Variants in SLC3A2 observed in about 807,000 individuals in gnomAD.
The protein encoded by SLC3A2 is solute carrier family 3 member 2.
A neutral mutation model predicts 48.5 loss-of-function variants in SLC3A2; 32 were observed. The ratio of observed to expected loss-of-function variants is 0.66; its 90% CI spans 0.50 to 0.89. The LOEUF (loss-of-function observed/expected upper bound fraction) is 0.89, where lower values mean the gene tolerates loss of function less well. Ranked by LOEUF, SLC3A2 falls within the 40% of genes least tolerant of loss-of-function variation. The pLI is 0.00. For synonymous variants in SLC3A2, 277 were observed against 288.8 expected (o/e 0.96, Z 0.41); for missense variants, 587 against 680.7 (o/e 0.86, Z 1.53).
At chr11:62,874,589 T>G (rs957637675) in intron 1 of SLC3A2, among the ~76,000 whole-genome samples, 1 of 152,138 alleles carries the variant, frequency 6.6e-6, no homozygotes, top group African/African-American at 2.4e-5. Context: ...AGGTCTCTTC[T>G]TTAGCAGCCA....
Position 62,872,476 on chromosome 11 carries a change from C to G in SLC3A2, c.113-8543C>G, listed in dbSNP as rs545286100. On this transcript the variant is annotated intron_variant, in intron 1 of 9. Coordinates refer to the SLC3A2 transcript ENST00000377889. ...GCTGTAGTAAGCCAAGATCACATTA[C>G]TGCACTCCAGCCTGGGCAACAGAGA... 1.1e-4 allele frequency among the ~76,000 whole-genome samples: 17 copies of G among 152,336 alleles called. No homozygotes were observed. In the East Asian group the frequency reaches 1.9e-3, roughly 17 times the overall value.
Position 62,881,019 on chromosome 11 carries a change from G to T in SLC3A2, c.-5G>T. 1 of 1,559,302 alleles carries T rather than the reference G, an allele frequency of 6.4e-7. No homozygotes were observed. The highest frequency in any genetic ancestry group is 8.7e-7 in the Non-Finnish European group (1 of 1,149,546). On this transcript the variant is annotated 5_prime_UTR_variant, in exon 1 of 9. Coordinates refer to ENST00000338663, the MANE Select transcript of SLC3A2 (RefSeq NM_001013251.3). This position sits in a 1 kb window ranked among gnomAD's most constrained non-coding sequence, Gnocchi z 4.0. ...CTGCGTCGTGTCGCCGGTTCTGCAGGCACCATGAGCCAGGACACCGAGGTG... is the reference window on the plus strand; with the variant it reads ...CTGCGTCGTGTCGCCGGTTCTGCAGTCACCATGAGCCAGGACACCGAGGTG...
At chr11:62,868,949 A>C (rs1175685792) in intron 1 of SLC3A2, among the ~76,000 whole-genome samples, 2 of 151,844 alleles carry the variant, frequency 1.3e-5, no homozygotes, top group Non-Finnish European at 2.9e-5. Context: ...CCCAGGCTGG[A>C]GTGCAGTGGT....
Position 62,881,776 on chromosome 11 carries a change from C to T in SLC3A2, c.425-117C>T. On this transcript the variant is annotated intron_variant, in intron 1 of 8. Transcript: ENST00000338663. This position sits in a 1 kb window ranked among gnomAD's most constrained non-coding sequence, Gnocchi z 4.0. ...TGAGTCTCGTGATTCAGCCTTGCCT[C>T]CCTCTCTCCCCCTTTGCCCCCTCCC... 2.5e-6 allele frequency: 3 copies of T among 1,180,944 alleles called. No homozygotes were observed. Among genetic ancestry groups the T allele is most frequent in the Non-Finnish European group, 3.6e-6 (3 of 833,752 alleles). 73.2% of individuals were successfully genotyped at this position (1,180,944 alleles called of 1,614,324 possible).
At chr11:62,865,561 C>CAAAAAAAAAAAA (rs35320203) in intron 1 of SLC3A2, among the ~76,000 whole-genome samples, 1 of 86,910 alleles carries the variant, frequency 1.2e-5, no homozygotes, top group Non-Finnish European at 2.0e-5. Context: ...GTCTCCCCCA[C>CAAAAAAAAAAAA]AAAAAAAAAA....
At chr11:62,867,565 C>G (rs2085466859) in intron 1 of SLC3A2, among the ~76,000 whole-genome samples, 1 of 148,012 alleles carries the variant, frequency 6.8e-6, no homozygotes, top group Non-Finnish European at 1.5e-5. Context: ...ACCTTTTGAT[C>G]TGCCTATCTC....
intron 1 of SLC3A2, among the ~76,000 whole-genome samples, chr11:62,875,188 G>A (rs933312322): frequency 6.6e-6 from 1 of 152,146 alleles, no homozygotes; most frequent in East Asian, 1.9e-4. Flanking sequence ...GGAGGCTGTT[G>A]GACAGAGACA....
chr11:62,862,679 T>C (rs1287812821), intron 1 of SLC3A2, among the ~76,000 whole-genome samples: 4 of 152,216 alleles, frequency 2.6e-5, no homozygotes, highest in Non-Finnish European at 5.9e-5. Flanking sequence ...TATAAGTTTT[T>C]TTCAGTTTGC....
In SLC3A2 at chr11:62,888,736, C is replaced by T. The variant is rs1211238946; in HGVS notation, c.*43C>T. The T allele has an allele frequency of 2.7e-6, 4 of 1,497,386 alleles. No individual in the cohort carries two copies. Among genetic ancestry groups the T allele is most frequent in the Admixed American group, 4.4e-5 (2 of 45,674 alleles). 92.8% of individuals were successfully genotyped at this position (1,497,386 alleles called of 1,614,324 possible). A position where few individuals can be genotyped will look rare whatever the true frequency, so the allele number is the denominator to read the frequency against. ...CCCACTACCCTTCTCCTTTCCTTCC[C>T]AGGCCCTTTGGCTTCTGATTTTTCT... On this transcript the variant is annotated 3_prime_UTR_variant, in exon 9 of 9. Transcript: ENST00000338663.
intron 1 of SLC3A2, among the ~76,000 whole-genome samples, chr11:62,861,910 C>CAAAAA (rs1189861840): frequency 3.4e-5 from 2 of 59,190 alleles, no homozygotes; most frequent in South Asian, 5.7e-4. Context: ...AAACCTCTCT[C>CAAAAA]AAAAAAAAAA....
intron 1 of SLC3A2, among the ~76,000 whole-genome samples, chr11:62,864,072 A>T (rs914398885): frequency 3.9e-5 from 6 of 152,100 alleles, no homozygotes; most frequent in African/African-American, 7.2e-5. Flanking sequence ...ATATATTTCT[A>T]AGTCTGGATG....
intron 1 of SLC3A2, among the ~76,000 whole-genome samples, chr11:62,867,765 G>A (rs1398196360): frequency 2.0e-5 from 3 of 152,040 alleles, no homozygotes; most frequent in Non-Finnish European, 4.4e-5. Context: ...ATAGGCATGA[G>A]CCACCATGCC....
chr11:62,882,603 G>C, intron 2 of SLC3A2: 1 of 329,876 alleles, frequency 3.0e-6, no homozygotes, highest in South Asian at 2.8e-5. Flanking sequence ...TCGTGCCTCA[G>C]CCTCCTGAGT....
At chr11:62,856,244 C>T (rs1289182747) in exon 1 of SLC3A2, 4 of 1,589,660 alleles carry the variant, frequency 2.5e-6, no homozygotes, top group Non-Finnish European at 2.6e-6. Flanking sequence ...CCACACACCC[C>T]AAACCTGTGT....
chr11:62,857,695 CAAAAAAAA>C (rs56818745), intron 1 of SLC3A2, among the ~76,000 whole-genome samples: 10 of 52,800 alleles, frequency 1.9e-4, no homozygotes, highest in Non-Finnish European at 2.6e-4. Context: ...GACCCTGTCT[CAAAAAAAA>C]AAAAAAAAAA....
Position 62,888,659 on chromosome 11 carries a change from A to G in SLC3A2, c.1556A>G (p.Glu519Gly). Residue 519 changes from glutamate (E) to glycine (G), a missense_variant, in exon 9 of 9, where the codon GAA (glutamate) becomes GGA (glycine). By Grantham distance (98) the Glu-to-Gly change is moderately conservative. Transcript: ENST00000338663. ...ELERLKLEPH[E>G]GLLLRFPYAA ...GAACGCCTGAAACTGGAGCCTCACG[A>G]AGGGCTGCTGCTCCGCTTCCCCTAC... 6.2e-7 allele frequency: 1 copy of G among 1,602,900 alleles called. No individual in the cohort carries two copies. The highest frequency in any genetic ancestry group is 8.5e-7 in the Non-Finnish European group (1 of 1,179,288).
chr11:62,887,922 A>G, intron 7 of SLC3A2: 1 of 459,286 alleles, frequency 2.2e-6, no homozygotes, highest in East Asian at 3.9e-5. Context: ...CCTCCCCAGT[A>G]TCTGGGACTA....
At position 62,881,088 on chromosome 11, in the gene SLC3A2, A is replaced by G. The variant is rs2085628338; in HGVS notation, c.65A>G (p.Gln22Arg). 1.2e-6 allele frequency: 2 copies of G among 1,609,498 alleles called. No homozygotes were observed. Among genetic ancestry groups the G allele is most frequent in the Non-Finnish European group, 1.7e-6 (2 of 1,177,936 alleles). The change falls in exon 1 of 9, where the codon CAG becomes CGG. Residue 22 changes from glutamine to arginine, a missense_variant. Physicochemically the swap from Gln to Arg is conservative, Grantham distance 43 (BLOSUM62 1). Coordinates refer to ENST00000338663, the MANE Select transcript of SLC3A2 (RefSeq NM_001013251.3). This position sits in a 1 kb window ranked among gnomAD's most constrained non-coding sequence, Gnocchi z 4.0. ...VELNELEPEKQPMNAASGAAM... is the reference protein window; with the variant it reads ...VELNELEPEKRPMNAASGAAM... ...CTGAATGAGTTAGAGCCCGAGAAGC[A>G]GCCGATGAACGCGGCGTCTGGGGCG...
chr11:62,888,243 C>T (rs2085740365), intron 8 of SLC3A2, 25 bp downstream of exon 8: 2 of 1,612,400 alleles, frequency 1.2e-6, no homozygotes, highest in Middle Eastern at 1.7e-4. Context: ...TGGGTAGAAA[C>T]TGACCGGTGG....
Sources: gnomAD v4.1 joint callset for allele counts (sites outside exome capture counted in the v4.1 genomes callset) on GRCh38, gnomAD v4.1.1 for gene constraint, Gnocchi (gnomAD v3.1) non-coding constraint, MANE v1.5 for transcripts, NCBI Gene and HGNC (gene_info 2026-07-23, HGNC 2026-07-21) for gene names.